The following LMF1 variants were observed in gnomAD, a reference collection of about 807,000 sequenced individuals.
LMF1 encodes the protein transmembrane protein 112.
Under a neutral mutation model 60.6 loss-of-function variants are expected in LMF1, and 68 were observed. The observed-to-expected ratio is 1.12, with a 90% CI of 0.92 to 1.37. LMF1 has a LOEUF of 1.37. Among genes scored for constraint, LMF1 ranks in the 40% most tolerant of loss-of-function variants. The probability of loss-of-function intolerance (pLI) is 0.00; values close to 1 mark genes in which losing one functional copy is unlikely to be tolerated. For synonymous variants in LMF1, 418 were observed against 324.7 expected (o/e 1.29, Z -3.09); for missense variants, 948 against 767.2 (o/e 1.24, Z -2.78).
At chr16:887,550 G>A (rs1432607984) in intron 5 of LMF1, among the ~76,000 whole-genome samples, 1 of 152,164 alleles carries the variant, frequency 6.6e-6, no homozygotes, top group African/African-American at 2.4e-5. Context: ...TGTCCCTGGG[G>A]GGCGTCCACA....
At chr16:946,629 G>C (rs930675578) in intron 2 of LMF1, among the ~76,000 whole-genome samples, 5 of 152,204 alleles carry the variant, frequency 3.3e-5, no homozygotes, top group African/African-American at 9.7e-5. Context: ...GGCCCCTCTC[G>C]TGGGAGTTCC....
chr16:979,769 A>T, intron 1 of LMF1: 1 of 454,092 alleles, frequency 2.2e-6, no homozygotes, highest in South Asian at 1.6e-5. Context: ...CTGCTCTCCC[A>T]GGGGCAGGGG....
intron 5 of LMF1, among the ~76,000 whole-genome samples, chr16:888,658 C>T (rs1477222039): frequency 6.6e-6 from 1 of 152,254 alleles, no homozygotes; most frequent in South Asian, 2.1e-4. Context: ...CTCCCCACAG[C>T]CTGCTGCATT....
intron 4 of LMF1, among the ~76,000 whole-genome samples, chr16:908,878 T>A (rs2071035048): frequency 6.6e-6 from 1 of 152,188 alleles, no homozygotes; most frequent in Non-Finnish European, 1.5e-5. Context: ...CCCGTGCGGC[T>A]GGGGCAGGAA....
At chr16:969,397 A>G (rs112086804) in intron 1 of LMF1, among the ~76,000 whole-genome samples, 3 of 152,214 alleles carry the variant, frequency 2.0e-5, no homozygotes, top group Non-Finnish European at 2.9e-5. Context: ...CCGATACTGC[A>G]ATCCCACAGG....
chr16:868,658 G>A (rs972246957), intron 10 of LMF1, among the ~76,000 whole-genome samples: 1 of 152,092 alleles, frequency 6.6e-6, no homozygotes, highest in African/African-American at 2.4e-5. Context: ...AAAGCTGTGA[G>A]CCGGGGTCAC....
intron 3 of LMF1, among the ~76,000 whole-genome samples, chr16:925,313 T>C (rs1311732044): frequency 6.6e-6 from 1 of 152,228 alleles, no homozygotes; most frequent in African/African-American, 2.4e-5. Flanking sequence ...CTTCAGTAGT[T>C]TAGAATTCTG....
intron 2 of LMF1, chr16:954,152 A>T (rs189710542): frequency 2.9e-6 from 2 of 694,102 alleles, no homozygotes; most frequent in East Asian, 5.5e-5. Context: ...TACTGCAAAG[A>T]GGTGGGGTTT....
intron 2 of LMF1, among the ~76,000 whole-genome samples, chr16:950,749 G>A (rs2072432714): frequency 1.7e-5 from 2 of 120,678 alleles, no homozygotes; most frequent in Admixed American, 8.2e-5. Flanking sequence ...AGACGACAGA[G>A]TCAGAGCCAA....
intron 2 of LMF1, among the ~76,000 whole-genome samples, chr16:936,236 G>C (rs372659653): frequency 1.3e-4 from 15 of 118,988 alleles, no homozygotes; most frequent in East Asian, 1.1e-3. Context: ...GCTGAGGAAG[G>C]AGGCTGGGAG....
At chr16:887,880 C>T (rs1192228794) in intron 5 of LMF1, among the ~76,000 whole-genome samples, 1 of 152,190 alleles carries the variant, frequency 6.6e-6, no homozygotes, top group African/African-American at 2.4e-5. Context: ...GACGCACCCC[C>T]AAGTTGCAGG....
At chr16:868,205 T>C (rs1199288375) in intron 10 of LMF1, among the ~76,000 whole-genome samples, 3 of 151,602 alleles carry the variant, frequency 2.0e-5, no homozygotes, top group Non-Finnish European at 4.4e-5. Context: ...TGCCCCACCC[T>C]GGGCCCCACC....
chr16:942,727 C>G (rs1239221077), intron 2 of LMF1, among the ~76,000 whole-genome samples: 2 of 139,928 alleles, frequency 1.4e-5, no homozygotes, highest in African/African-American at 5.3e-5. Context: ...GTTAGACCAC[C>G]TAGTGCTATA....
At chr16:979,219 C>A (rs573824510) in intron 1 of LMF1, 2 of 396,764 alleles carry the variant, frequency 5.0e-6, no homozygotes, top group South Asian at 3.6e-5. Flanking sequence ...GTGGCTCACA[C>A]CCGCGGAGGA....
At position 857,532 on chromosome 16, in the gene LMF1, C is replaced by T. The variant is rs2069233492; in HGVS notation, c.1530-2826G>A. On this transcript the variant is annotated intron_variant, in intron 10 of 10. Transcript: ENST00000262301. ...CTCGGGACGGGTGTGAGTGGTGTCA[C>T]GGGACGGGTGTGAGTGGTGTCACGG... Among the ~76,000 whole-genome samples, 2 of 92,012 alleles carry T rather than the reference C, an allele frequency of 2.2e-5. 1 individual carries two copies. The allele number at this position is 92,012 out of a possible 152,430, so 60.4% of individuals were successfully genotyped here. A position where few individuals can be genotyped will look rare whatever the true frequency, so the allele number is the denominator to read the frequency against.
intron 2 of LMF1, among the ~76,000 whole-genome samples, chr16:952,264 A>AC (rs1277797370): frequency 2.0e-5 from 3 of 149,560 alleles, no homozygotes; most frequent in Admixed American, 6.7e-5. Flanking sequence ...CACAGTGGGG[A>AC]CCCCCCTTAC....
chr16:900,720 TG>T lies in LMF1; in HGVS notation c.664-7649del, dbSNP rs1480033362. ...GTGTGTGTGTGTGTGTGTGTGTGTG[TG>T]TGTGTGTGTGTTTTAGTACAGACGG... On this transcript the variant is annotated intron_variant, in intron 4 of 10. Transcript: ENST00000262301. The T allele has an allele frequency of 3.4e-3, 510 of 150,374 alleles. 5 individuals carry two copies. Among genetic ancestry groups the T allele is most frequent in the African/African-American group, 6.9e-3 (276 of 39,984 alleles). 9.3% of individuals were successfully genotyped at this position (150,374 alleles called of 1,614,324 possible).
chr16:870,987 C>G, intron 7 of LMF1, 105 bp from the exon 8 acceptor site: 1 of 1,457,162 alleles, frequency 6.9e-7, no homozygotes, highest in Non-Finnish European at 9.1e-7. Flanking sequence ...GTCCTGGGTC[C>G]CGGGGACGGA....
chr16:882,806 C>T (rs74004005), intron 5 of LMF1, among the ~76,000 whole-genome samples: 3,441 of 143,710 alleles, frequency 0.024, 127 homozygotes, highest in African/African-American at 0.084. Context: ...AAGGAGGAGC[C>T]GGCGGCAGAG....
Sources: gnomAD v4.1 joint callset for allele counts (sites outside exome capture counted in the v4.1 genomes callset) on GRCh38, gnomAD v4.1.1 for gene constraint, MANE v1.5 for transcripts, NCBI Gene and HGNC (gene_info 2026-07-23, HGNC 2026-07-21) for gene names.